LAIR1: variants seen among roughly 807,000 people sequenced by gnomAD.
The protein encoded by LAIR1 is leukocyte associated immunoglobulin like receptor 1.
LAIR1 carries 24 observed loss-of-function variants against 32.8 expected under a neutral mutation model. That is an observed-to-expected ratio of 0.73 (90% CI 0.53 to 1.03). The LOEUF (loss-of-function observed/expected upper bound fraction) is 1.03, where lower values mean the gene tolerates loss of function less well. Among genes scored for constraint, LAIR1 ranks in the 50% least tolerant of loss-of-function variants. The pLI, the probability that LAIR1 is intolerant of heterozygous loss-of-function variation, is 0.00. For synonymous variants in LAIR1, 150 were observed against 140.5 expected (o/e 1.07, Z -0.48); for missense variants, 355 against 347.5 (o/e 1.02, Z -0.17).
chr19:54,364,367 CCCAGTCT>C lies in LAIR1; in HGVS notation c.35-44_35-38del. The C allele has an allele frequency of 2.5e-6, 4 of 1,613,814 alleles. No homozygotes were observed. Among genetic ancestry groups the C allele is most frequent in the Non-Finnish European group, 2.5e-6 (3 of 1,179,786 alleles). On this transcript the variant is annotated intron_variant, in intron 1 of 9. Transcript: ENST00000391742. This position sits in a 1 kb window ranked among gnomAD's most constrained non-coding sequence, Gnocchi z 4.8. ...GCCCCAGTGAGAAAAATGCCCAGTG[CCCAGTCT>C]CCTTACGGGGCTGCTGTCAAAAGGG...
At chr19:54,373,818 G>A (rs1322860703), upstream of LAIR1, among the ~76,000 whole-genome samples, 1 of 152,248 alleles carries the variant, frequency 6.6e-6, no homozygotes, top group African/African-American at 2.4e-5. Context: ...TCCCCAGGAT[G>A]ACTCAGGGAC....
At chr19:54,373,141 AAAATT>A (rs1215248194), upstream of LAIR1, among the ~76,000 whole-genome samples, 1 of 149,550 alleles carries the variant, frequency 6.7e-6, no homozygotes, top group Non-Finnish European at 1.5e-5. Context: ...CTAAAAAAAC[AAAATT>A]AAATTAAAAA....
In LAIR1 at chr19:54,357,101, C is replaced by T. The variant is rs546772596; in HGVS notation, c.416-135G>A. The T allele has an allele frequency of 2.3e-4, 162 of 708,694 alleles. 1 individual carries two copies. The African/African-American group carries it at 2.5e-3, about 11-fold the overall frequency. 43.9% of individuals were successfully genotyped at this position (708,694 alleles called of 1,614,324 possible). ...CTGACTGCTCCCTCTAGACCAGCAC[C>T]GACCAGCAGAGTCTTCTGTGATGAT... On this transcript the variant is annotated intron_variant, in intron 4 of 9. Coordinates refer to ENST00000391742, the MANE Select transcript of LAIR1 (RefSeq NM_002287.6).
chr19:54,356,034 T>C, intron 8 of LAIR1, 28 bp from the exon 9 acceptor site: 3 of 1,581,020 alleles, frequency 1.9e-6, no homozygotes, highest in Non-Finnish European at 2.6e-6. Flanking sequence ...TGGTCAGTTT[T>C]CTGGGGAGGA....
upstream of LAIR1, chr19:54,365,209 C>T (rs1359564771): frequency 1.7e-5 from 5 of 301,454 alleles, no homozygotes; most frequent in African/African-American, 2.2e-5. Flanking sequence ...TAGAAGCTGA[C>T]ATTTCCTTGT....
chr19:54,364,176 A>G lies in LAIR1; in HGVS notation c.70+119T>C, dbSNP rs190389440. ...CATTTTACATTTGGAAGAGTTTGCA[A>G]TCTAGGGTATATTTAAAGGGATCTC... is the stretch of plus-strand genomic sequence containing the variant. On this transcript the variant is annotated intron_variant, in intron 2 of 9. Coordinates refer to ENST00000391742, the MANE Select transcript of LAIR1 (RefSeq NM_002287.6). This position sits in a 1 kb window ranked among gnomAD's most constrained non-coding sequence, Gnocchi z 4.8. 3.2e-5 allele frequency: 38 copies of G among 1,185,078 alleles called. No homozygotes were observed. In the African/African-American group the frequency reaches 4.3e-4, roughly 13 times the overall value. 73.4% of individuals were successfully genotyped at this position (1,185,078 alleles called of 1,614,324 possible).
In LAIR1 at chr19:54,355,429, C is replaced by A; in HGVS notation, c.718-15G>T. 1 of 1,585,468 alleles carries A rather than the reference C, an allele frequency of 6.3e-7. No individual in the cohort carries two copies. The highest frequency in any genetic ancestry group is 1.3e-5 in the African/African-American group (1 of 74,226). Reference sequence around the variant, plus strand: ...GCAGCCAGGGCCTAAGAGGGAGAGACCCAGGGTGAGGGAGTGCCTGGTGGA... The same window carrying A: ...GCAGCCAGGGCCTAAGAGGGAGAGAACCAGGGTGAGGGAGTGCCTGGTGGA... On this transcript the variant is annotated splice_polypyrimidine_tract_variant and intron_variant, in intron 9 of 9. Coordinates refer to ENST00000391742, the MANE Select transcript of LAIR1 (RefSeq NM_002287.6). This position sits in a 1 kb window ranked among gnomAD's most constrained non-coding sequence, Gnocchi z 4.7.
chr19:54,355,152 C>T lies in LAIR1; in HGVS notation c.*116G>A, dbSNP rs1356784027. The T allele has an allele frequency of 4.8e-6, 5 of 1,036,806 alleles. No individual in the cohort carries two copies. Among genetic ancestry groups the T allele is most frequent in the Non-Finnish European group, 7.1e-6 (5 of 708,588 alleles). 64.2% of individuals were successfully genotyped at this position (1,036,806 alleles called of 1,614,324 possible). On this transcript the variant is annotated 3_prime_UTR_variant, in exon 10 of 10. Coordinates refer to ENST00000391742, the MANE Select transcript of LAIR1 (RefSeq NM_002287.6). This position sits in a 1 kb window ranked among gnomAD's most constrained non-coding sequence, Gnocchi z 4.7. The stretch of plus-strand genomic sequence containing the variant: ...CCAGCTCTTGTCTCCAGGACAGCTG[C>T]CTGGCTGGCTTTCTAGATGAAGAGG...
At chr19:54,365,962 C>G (rs955901901), upstream of LAIR1, among the ~76,000 whole-genome samples, 1 of 152,188 alleles carries the variant, frequency 6.6e-6, no homozygotes, top group African/African-American at 2.4e-5. Context: ...GAAGAAAATT[C>G]TGCCATGGGC....
chr19:54,373,255 A>G (rs539147261), upstream of LAIR1, among the ~76,000 whole-genome samples: 8 of 151,506 alleles, frequency 5.3e-5, no homozygotes, highest in South Asian at 8.3e-4. Flanking sequence ...ATCCTGGCCA[A>G]CACGGTGAAA....
chr19:54,373,087 G>A (rs570213133), upstream of LAIR1, among the ~76,000 whole-genome samples: 235 of 150,698 alleles, frequency 1.6e-3, no homozygotes, highest in Admixed American at 2.8e-3. Flanking sequence ...AGCCGAAATC[G>A]CACCACTGCA....
chr19:54,351,408 G>A lies in LAIR1; in HGVS notation c.*3860C>T, dbSNP rs1036490200. On this transcript the variant is annotated 3_prime_UTR_variant, in exon 10 of 10. Transcript: ENST00000391742. Reference sequence around the variant, plus strand: ...CTTTTATCAAAAAGATATTTTATTTGTCTAAATGGAAGATATAGTTTACTT... The same window carrying A: ...CTTTTATCAAAAAGATATTTTATTTATCTAAATGGAAGATATAGTTTACTT... The A allele has an allele frequency of 6.6e-6, 1 of 152,096 alleles. No homozygotes were observed. 9.4% of individuals were successfully genotyped at this position (152,096 alleles called of 1,614,324 possible). A position where few individuals can be genotyped will look rare whatever the true frequency, so the allele number is the denominator to read the frequency against.
At chr19:54,370,944 C>T (rs989502877), upstream of LAIR1, among the ~76,000 whole-genome samples, 1 of 150,206 alleles carries the variant, frequency 6.7e-6, no homozygotes, top group Non-Finnish European at 1.5e-5. Flanking sequence ...TGCTACACGT[C>T]GGGGTTGTTT....
Position 54,353,126 on chromosome 19 carries a change from A to C in LAIR1, c.*2142T>G, listed in dbSNP as rs10425360. ...CAGTGAGCCAAGATTGTGCCATTGCACTCCAGCCTGGGCAACAAGAGCGAA... is the reference window on the plus strand; with the variant it reads ...CAGTGAGCCAAGATTGTGCCATTGCCCTCCAGCCTGGGCAACAAGAGCGAA... On this transcript the variant is annotated 3_prime_UTR_variant, in exon 10 of 10. Coordinates refer to ENST00000391742, the MANE Select transcript of LAIR1 (RefSeq NM_002287.6). 0.4 allele frequency: 59,487 copies of C among 149,226 alleles called. 12,105 individuals carry two copies. Among genetic ancestry groups the C allele is most frequent in the Non-Finnish European group, 0.44 (29,816 of 67,562 alleles). 9.2% of individuals were successfully genotyped at this position (149,226 alleles called of 1,614,324 possible).
Position 54,364,400 on chromosome 19 carries a change from G to A in LAIR1, c.35-70C>T, listed in dbSNP as rs1428932981. The A allele has an allele frequency of 2.3e-5, 37 of 1,601,204 alleles. No homozygotes were observed. The highest frequency in any genetic ancestry group is 2.9e-5 in the Non-Finnish European group (34 of 1,168,586). ...CCTTACGGGGCTGCTGTCAAAAGGG[G>A]GCTCGATGGAGCTGGGGGGCATTCA... On this transcript the variant is annotated intron_variant, in intron 1 of 9. Coordinates refer to ENST00000391742, the MANE Select transcript of LAIR1 (RefSeq NM_002287.6). This position sits in a 1 kb window ranked among gnomAD's most constrained non-coding sequence, Gnocchi z 4.8.
At chr19:54,357,186 T>C in intron 4 of LAIR1, 2 of 565,538 alleles carry the variant, frequency 3.5e-6, no homozygotes, top group Non-Finnish European at 6.3e-6. Flanking sequence ...GATATTTAAA[T>C]TTATCCAAAG....
intron 4 of LAIR1, among the ~76,000 whole-genome samples, chr19:54,359,585 G>A (rs1191952815): frequency 2.0e-5 from 3 of 152,236 alleles, no homozygotes; most frequent in Non-Finnish European, 2.9e-5. Context: ...GCAGAGCGGG[G>A]TGAATGGTGA....
chr19:54,358,103 A>G (rs1393284709), intron 4 of LAIR1: 1 of 147,356 alleles, frequency 6.8e-6, no homozygotes, highest in Non-Finnish European at 1.5e-5. Flanking sequence ...AACTTATAAT[A>G]TATGTTACAT....
In LAIR1 at chr19:54,356,650, T is replaced by C. The variant is rs1241436102; in HGVS notation, c.455-31A>G. On this transcript the variant is annotated intron_variant, in intron 5 of 9. Transcript: ENST00000391742. Reference sequence around the variant, plus strand: ...AAAGACAGAAACAGGATTTCAGCAGTGTGCATTTATTGAGCACCTACTGTA... The same window carrying C: ...AAAGACAGAAACAGGATTTCAGCAGCGTGCATTTATTGAGCACCTACTGTA... 6 of 1,611,224 alleles carry C rather than the reference T, an allele frequency of 3.7e-6. No individual in the cohort carries two copies. In the African/African-American group the frequency reaches 5.3e-5, roughly 14 times the overall value.
Sources: gnomAD v4.1 joint callset for allele counts (sites outside exome capture counted in the v4.1 genomes callset) on GRCh38, gnomAD v4.1.1 for gene constraint, Gnocchi (gnomAD v3.1) non-coding constraint, MANE v1.5 for transcripts, NCBI Gene and HGNC (gene_info 2026-07-23, HGNC 2026-07-21) for gene names.